SIPA1L3: variants seen among roughly 807,000 people sequenced by gnomAD.
SIPA1L3 encodes signal induced proliferation associated 1 like 3.
A neutral mutation model predicts 150.1 loss-of-function variants in SIPA1L3; 59 were observed. The observed-to-expected ratio is 0.39, with a 90% confidence interval of 0.32 to 0.49. The LOEUF (loss-of-function observed/expected upper bound fraction) is 0.49, where lower values mean the gene tolerates loss of function less well. Ranked by LOEUF, SIPA1L3 falls within the 20% of genes least tolerant of loss-of-function variation. The pLI is 0.86. For synonymous variants in SIPA1L3, 1,070 were observed against 1,077.6 expected, an observed-to-expected ratio of 0.99 and a Z score of 0.14; for missense variants, 2,211 against 2,489.5, an observed-to-expected ratio of 0.89 and a Z score of 2.38.
chr19:38,080,760 A>G (rs1969958940), intron 2 of SIPA1L3, among the ~76,000 whole-genome samples: 1 of 152,088 alleles, frequency 6.6e-6, no homozygotes, highest in Non-Finnish European at 1.5e-5. Context: ...GCCTGAGGCC[A>G]GGAGTTTGAG....
chr19:38,134,236 G>A lies in SIPA1L3; in HGVS notation c.3143+3464G>A, dbSNP rs957610064. 5.0e-4 allele frequency among the ~76,000 whole-genome samples: 75 copies of A among 149,986 alleles called. 1 individual carries two copies. Among genetic ancestry groups the A allele is most frequent in the Non-Finnish European group, 2.2e-4 (15 of 67,542 alleles). On this transcript the variant is annotated intron_variant, in intron 10 of 21. Coordinates refer to ENST00000222345, the MANE Select transcript of SIPA1L3 (RefSeq NM_015073.3). ...TGACCTCATGTGATCTGCCCGCCTC[G>A]ACCTCCCAGAGTGCTAGGATTACAG... is the stretch of plus-strand genomic sequence containing the variant.
intron 1 of SIPA1L3, among the ~76,000 whole-genome samples, chr19:38,004,396 T>C (rs1238259375): frequency 1.3e-5 from 2 of 152,186 alleles, no homozygotes; most frequent in African/African-American, 2.4e-5. Flanking sequence ...GGGGAAAGGA[T>C]TGGCTCATTC....
intron 18 of SIPA1L3, among the ~76,000 whole-genome samples, chr19:38,197,894 C>T (rs186771721): frequency 1.7e-3 from 247 of 148,542 alleles, no homozygotes; most frequent in African/African-American, 5.5e-3. Context: ...ACACACAGTC[C>T]GTCCCCCACA....
intron 1 of SIPA1L3, among the ~76,000 whole-genome samples, chr19:38,022,878 G>A (rs1051027632): frequency 6.6e-6 from 1 of 152,232 alleles, no homozygotes; most frequent in Non-Finnish European, 1.5e-5. Flanking sequence ...AGTAGGTGAA[G>A]TGAAGTTTGT....
At chr19:38,088,273 G>A (rs1970183471) in intron 3 of SIPA1L3, among the ~76,000 whole-genome samples, 1 of 152,254 alleles carries the variant, frequency 6.6e-6, no homozygotes, top group African/African-American at 2.4e-5. Flanking sequence ...CAGGTGTGAG[G>A]AGGCTCTCTA....
intron 4 of SIPA1L3, among the ~76,000 whole-genome samples, chr19:38,095,457 T>A (rs1369140683): frequency 6.6e-6 from 1 of 152,188 alleles, no homozygotes; most frequent in Non-Finnish European, 1.5e-5. Context: ...GGAGTACGTC[T>A]GAGTCAGGAG....
At chr19:38,130,014 C>T (rs1208339585) in intron 9 of SIPA1L3, among the ~76,000 whole-genome samples, 1 of 152,166 alleles carries the variant, frequency 6.6e-6, no homozygotes. Flanking sequence ...TTGCAGTGAG[C>T]TGAGATCATG....
intron 10 of SIPA1L3, among the ~76,000 whole-genome samples, chr19:38,138,417 C>T (rs1283660057): frequency 1.3e-5 from 2 of 152,258 alleles, no homozygotes; most frequent in Non-Finnish European, 2.9e-5. Flanking sequence ...TGAAACATGG[C>T]GCCGCAAAAG....
At chr19:38,112,099 A>G (rs1970774121) in intron 8 of SIPA1L3, among the ~76,000 whole-genome samples, 1 of 117,316 alleles carries the variant, frequency 8.5e-6, no homozygotes, top group African/African-American at 4.4e-5. Flanking sequence ...GCACACACCT[A>G]CATGCACACA....
At chr19:38,012,685 C>T (rs1968133338) in intron 1 of SIPA1L3, among the ~76,000 whole-genome samples, 1 of 151,998 alleles carries the variant, frequency 6.6e-6, no homozygotes, top group Non-Finnish European at 1.5e-5. Context: ...CATCCTCTCT[C>T]CTCCCCAGGT....
In SIPA1L3 at chr19:38,206,430, CCA is replaced by C; in HGVS notation, c.*191_*192del. ...GGTCAGCGCGCACAGCCCTCATGCC[CCA>C]GAGGGCGAAGTGGTCTCAGGCCTCC... On this transcript the variant is annotated 3_prime_UTR_variant, in exon 22 of 22. Coordinates refer to ENST00000222345, the MANE Select transcript of SIPA1L3 (RefSeq NM_015073.3). The C allele has an allele frequency of 1.5e-6, 1 of 648,718 alleles. No individual in the cohort carries two copies. The highest frequency in any genetic ancestry group is 2.5e-6 in the Non-Finnish European group (1 of 402,542). 40.2% of individuals were successfully genotyped at this position (648,718 alleles called of 1,614,324 possible).
At chr19:38,073,571 C>T (rs1600008433) in intron 2 of SIPA1L3, among the ~76,000 whole-genome samples, 1 of 152,202 alleles carries the variant, frequency 6.6e-6, no homozygotes, top group Non-Finnish European at 1.5e-5. Context: ...GTGTGTCACT[C>T]GGGGTCCTCT....
intron 2 of SIPA1L3, among the ~76,000 whole-genome samples, chr19:38,040,017 G>T (rs928863968): frequency 2.0e-5 from 3 of 152,174 alleles, no homozygotes; most frequent in Non-Finnish European, 2.9e-5. Context: ...GGAGGCTGAG[G>T]TGGGAGGATC....
intron 18 of SIPA1L3, among the ~76,000 whole-genome samples, chr19:38,195,793 T>TACCC (rs1568605237): frequency 5.0e-5 from 1 of 20,028 alleles, no homozygotes; most frequent in Non-Finnish European, 9.5e-5. Flanking sequence ...ACAGGCCCCG[T>TACCC]CCCCCCCCGC....
intron 15 of SIPA1L3, among the ~76,000 whole-genome samples, chr19:38,167,667 T>C (rs1382327811): frequency 6.6e-6 from 1 of 152,068 alleles, no homozygotes; most frequent in Admixed American, 6.6e-5. Context: ...AGCTCAAGTG[T>C]TCCTCCCACC....
intron 16 of SIPA1L3, among the ~76,000 whole-genome samples, chr19:38,183,783 A>AAGGCGGGGAGGTGCGG (rs372629721): frequency 0.012 from 1,798 of 151,970 alleles, 36 homozygotes; most frequent in African/African-American, 0.039. Context: ...GAAGCCGGGG[A>AAGGCGGGGAGGTGCGG]AGGCGGGGAG....
At chr19:38,179,151 AG>A (rs2146017751) in intron 15 of SIPA1L3, among the ~76,000 whole-genome samples, 1 of 152,288 alleles carries the variant, frequency 6.6e-6, no homozygotes, top group East Asian at 1.9e-4. Flanking sequence ...AAATAAATAC[AG>A]TTTCAGGCCG....
At chr19:37,960,291 G>A (rs1418493737) in intron 1 of SIPA1L3, among the ~76,000 whole-genome samples, 1 of 152,158 alleles carries the variant, frequency 6.6e-6, no homozygotes, top group Admixed American at 6.6e-5. Flanking sequence ...TTGCTCTGTA[G>A]CACAGGCTGG....
At chr19:37,925,179 G>A (rs1042210855) in intron 1 of SIPA1L3, among the ~76,000 whole-genome samples, 3 of 152,122 alleles carry the variant, frequency 2.0e-5, no homozygotes, top group Non-Finnish European at 4.4e-5. Flanking sequence ...ATGGCTCTCC[G>A]ACCTCCCCGT....
Sources: allele counts gnomAD v4.1 joint callset (sites outside exome capture counted in the v4.1 genomes callset), GRCh38; gene constraint gnomAD v4.1.1; transcripts MANE v1.5; gene names NCBI Gene and HGNC (gene_info 2026-07-23, HGNC 2026-07-21).